The following LHFPL6 variants were observed in gnomAD, a reference collection of about 807,000 sequenced individuals.
The protein encoded by LHFPL6 is LHFPL tetraspan subfamily member 6.
In LHFPL6, 9 loss-of-function variants were observed where a neutral mutation model predicts 20.6. The ratio of observed to expected loss-of-function variants is 0.44; its 90% CI spans 0.26 to 0.76. The LOEUF is 0.76. Ranked by LOEUF, LHFPL6 falls within the 30% of genes least tolerant of loss-of-function variation. The pLI, the probability that LHFPL6 is intolerant of heterozygous loss-of-function variation, is 0.20. For synonymous variants in LHFPL6, 105 were observed against 98.7 expected (o/e 1.06, Z -0.38); for missense variants, 218 against 253.5 (o/e 0.86, Z 0.95).
At position 39,564,090 on chromosome 13, in the gene LHFPL6, A is replaced by G. The variant is rs1871636284; in HGVS notation, c.385+36742T>C. 2.7e-5 allele frequency among the ~76,000 whole-genome samples: 4 copies of G among 149,838 alleles called. No individual in the cohort carries two copies. The South Asian group carries it at 8.8e-4, about 33-fold the overall frequency. On this transcript the variant is annotated intron_variant, in intron 2 of 3. Coordinates refer to ENST00000379589, the MANE Select transcript of LHFPL6 (RefSeq NM_005780.3). ...CCCACCATCGAGAGTCATTAAATCC[A>G]GGAGATTGGGAGCTGTTTTCCTCTG... is the stretch of plus-strand genomic sequence containing the variant.
intron 2 of LHFPL6, among the ~76,000 whole-genome samples, chr13:39,467,772 G>A (rs1872841276): frequency 6.6e-6 from 1 of 152,162 alleles, no homozygotes; most frequent in Non-Finnish European, 1.5e-5. Flanking sequence ...ACTAATCATT[G>A]TCTGGACATT....
chr13:39,598,759 G>A (rs1048506595), intron 2 of LHFPL6, among the ~76,000 whole-genome samples: 3 of 151,908 alleles, frequency 2.0e-5, no homozygotes, highest in African/African-American at 4.8e-5. Flanking sequence ...GGGTTTCACC[G>A]TGTTAGCCAG....
At chr13:39,467,146 T>C (rs1872824251) in intron 2 of LHFPL6, among the ~76,000 whole-genome samples, 1 of 152,108 alleles carries the variant, frequency 6.6e-6, no homozygotes. Flanking sequence ...CATCTTACTG[T>C]TCCCCTTAAC....
chr13:39,400,044 G>C (rs1870946796), intron 2 of LHFPL6, among the ~76,000 whole-genome samples: 1 of 152,124 alleles, frequency 6.6e-6, no homozygotes, highest in East Asian at 1.9e-4. Context: ...GGTGAGCCAA[G>C]ATCGCACCAC....
At chr13:39,527,363 T>C (rs1472669499) in intron 2 of LHFPL6, among the ~76,000 whole-genome samples, 4 of 152,160 alleles carry the variant, frequency 2.6e-5, no homozygotes, top group Non-Finnish European at 4.4e-5. Context: ...AAATATCATG[T>C]GATAAGCAAG....
intron 2 of LHFPL6, among the ~76,000 whole-genome samples, chr13:39,565,474 T>C (rs1030348875): frequency 6.6e-5 from 10 of 152,216 alleles, no homozygotes; most frequent in African/African-American, 2.4e-4. Flanking sequence ...TAAGATGGAA[T>C]GTTGGCATAA....
chr13:39,525,849 G>C (rs761907747), intron 2 of LHFPL6, among the ~76,000 whole-genome samples: 1 of 142,686 alleles, frequency 7.0e-6, no homozygotes, highest in Non-Finnish European at 1.5e-5. Flanking sequence ...AAGTCTTGAG[G>C]TTACAGATAA....
chr13:39,493,741 C>A (rs1869008086), intron 2 of LHFPL6, among the ~76,000 whole-genome samples: 1 of 152,140 alleles, frequency 6.6e-6, no homozygotes, highest in African/African-American at 2.4e-5. Flanking sequence ...GTTAGTGAAT[C>A]AAGAGTGTCC....
At chr13:39,416,798 G>A (rs1871360381) in intron 2 of LHFPL6, among the ~76,000 whole-genome samples, 1 of 152,130 alleles carries the variant, frequency 6.6e-6, no homozygotes, top group African/African-American at 2.4e-5. Context: ...TAAATGGCAT[G>A]CAAATCAAAT....
At chr13:39,468,781 T>G (rs1026700744) in intron 2 of LHFPL6, among the ~76,000 whole-genome samples, 6 of 152,128 alleles carry the variant, frequency 3.9e-5, no homozygotes, top group Non-Finnish European at 7.4e-5. Flanking sequence ...CTTGGACTGT[T>G]TTTAATGTAT....
intron 2 of LHFPL6, among the ~76,000 whole-genome samples, chr13:39,490,216 T>C (rs947599521): frequency 5.9e-5 from 9 of 152,306 alleles, no homozygotes; most frequent in African/African-American, 2.2e-4. Flanking sequence ...AAACACGGAA[T>C]TCCGAAACAC....
intron 2 of LHFPL6, among the ~76,000 whole-genome samples, chr13:39,481,761 G>C (rs1868535527): frequency 6.6e-6 from 1 of 152,184 alleles, no homozygotes; most frequent in African/African-American, 2.4e-5. Flanking sequence ...AGGGTAATGA[G>C]TTGACATTTT....
chr13:39,580,521 T>C (rs1872250615), intron 2 of LHFPL6, among the ~76,000 whole-genome samples: 1 of 152,224 alleles, frequency 6.6e-6, no homozygotes, highest in African/African-American at 2.4e-5. Flanking sequence ...GTCCTTTCTT[T>C]GTAGTTCTTC....
intron 3 of LHFPL6, among the ~76,000 whole-genome samples, chr13:39,345,630 A>G (rs1057027232): frequency 2.0e-5 from 3 of 152,018 alleles, no homozygotes; most frequent in Admixed American, 1.3e-4. Flanking sequence ...TGAAACCTCA[A>G]TGACAACCAG....
chr13:39,463,595 A>T (rs1215153630), intron 2 of LHFPL6, among the ~76,000 whole-genome samples: 1 of 152,176 alleles, frequency 6.6e-6, no homozygotes, highest in Non-Finnish European at 1.5e-5. Flanking sequence ...GGTGCCTCCG[A>T]AAGTCCATGA....
At chr13:39,559,044 G>A (rs1234050380) in intron 2 of LHFPL6, among the ~76,000 whole-genome samples, 2 of 152,196 alleles carry the variant, frequency 1.3e-5, no homozygotes, top group East Asian at 3.9e-4. Context: ...TGAGAGACAG[G>A]TTCTGTTGCA....
At chr13:39,387,078 T>C (rs962538330) in intron 2 of LHFPL6, among the ~76,000 whole-genome samples, 2 of 152,216 alleles carry the variant, frequency 1.3e-5, no homozygotes, top group African/African-American at 4.8e-5. Flanking sequence ...TGCAGTTATT[T>C]GTAAGTATTA....
chr13:39,588,866 G>A (rs933784781), intron 2 of LHFPL6, among the ~76,000 whole-genome samples: 3 of 152,138 alleles, frequency 2.0e-5, no homozygotes, highest in East Asian at 1.9e-4. Context: ...ATAAGTCATC[G>A]TTCCTACCCT....
In LHFPL6 at chr13:39,345,512, CAAAAAAAAAAAAAAAA is replaced by C. The variant is rs71077225; in HGVS notation, c.485-1474_485-1459del. Among the ~76,000 whole-genome samples the C allele has an allele frequency of 2.0e-3, 86 of 43,460 alleles. 4 individuals carry two copies. The highest frequency in any genetic ancestry group is 0.015 in the Admixed American group (59 of 4,010). The allele number at this position is 43,460 out of a possible 152,430, so 28.5% of individuals were successfully genotyped here. ...TGGGTCAGGGAGCGAGACTCCATCT[CAAAAAAAAAAAAAAAA>C]AAAAAAAAAAAAGAAAGAAAATCAC... On this transcript the variant is annotated intron_variant, in intron 3 of 3. Transcript: ENST00000379589.
Sources: allele counts gnomAD v4.1 joint callset (sites outside exome capture counted in the v4.1 genomes callset), GRCh38; gene constraint gnomAD v4.1.1; transcripts MANE v1.5; gene names NCBI Gene and HGNC (gene_info 2026-07-23, HGNC 2026-07-21).